The following TMEM135 variants were observed in gnomAD, a reference collection of about 807,000 sequenced individuals.
The protein encoded by TMEM135 is peroxisomal membrane protein 52.
A neutral mutation model predicts 60.3 loss-of-function variants in TMEM135; 30 were observed. The ratio of observed to expected loss-of-function variants is 0.50; its 90% CI spans 0.37 to 0.68. The LOEUF (loss-of-function observed/expected upper bound fraction) is 0.68, where lower values mean the gene tolerates loss of function less well. Among genes scored for constraint, TMEM135 ranks in the 30% least tolerant of loss-of-function variants. The probability of loss-of-function intolerance (pLI) is 0.00; values close to 1 mark genes in which losing one functional copy is unlikely to be tolerated. For synonymous variants in TMEM135, 190 were observed against 186.7 expected (o/e 1.02, Z -0.14); for missense variants, 468 against 548.8 (o/e 0.85, Z 1.47).
intron 1 of TMEM135, among the ~76,000 whole-genome samples, chr11:87,059,408 G>A (rs542010974): frequency 2.6e-4 from 39 of 149,908 alleles, no homozygotes; most frequent in Non-Finnish European, 4.3e-4. Flanking sequence ...AGATTCAAGC[G>A]ATTCTCCTGT....
At chr11:87,066,866 C>T (rs533951367) in intron 1 of TMEM135, among the ~76,000 whole-genome samples, 4 of 150,344 alleles carry the variant, frequency 2.7e-5, no homozygotes, top group South Asian at 4.2e-4. Flanking sequence ...CTGCAACCTC[C>T]GCCTCCCGGG....
chr11:87,077,395 C>T (rs912767102), intron 3 of TMEM135, among the ~76,000 whole-genome samples: 8 of 152,180 alleles, frequency 5.3e-5, no homozygotes, highest in Admixed American at 2.6e-4. Context: ...ATTCACTTGT[C>T]GAAGGACATT....
chr11:87,258,192 GCC>G (rs1330454995), intron 6 of TMEM135, among the ~76,000 whole-genome samples: 21 of 90,212 alleles, frequency 2.3e-4, no homozygotes, highest in African/African-American at 7.6e-4. Flanking sequence ...TTGGGGAAAA[GCC>G]TTTTTTTTTT....
intron 6 of TMEM135, among the ~76,000 whole-genome samples, chr11:87,266,243 T>A (rs1026755144): frequency 2.0e-5 from 3 of 152,088 alleles, no homozygotes; most frequent in African/African-American, 7.2e-5. Flanking sequence ...CACCCCTAAG[T>A]CCCTCACCCT....
intron 4 of TMEM135, among the ~76,000 whole-genome samples, chr11:87,118,059 G>A (rs1226318465): frequency 6.8e-6 from 1 of 147,774 alleles, no homozygotes; most frequent in Non-Finnish European, 1.5e-5. Flanking sequence ...TGTTGTCAAT[G>A]AGTAGTAATA....
Position 87,302,516 on chromosome 11 carries a change from T to G in TMEM135, c.698+74T>G, listed in dbSNP as rs761525630. ...TGATATTTGTACCATGCCAAGGTTA[T>G]TTTTGTTTTCTATTCAGGTAATGAT... is the stretch of plus-strand genomic sequence containing the variant. On this transcript the variant is annotated intron_variant, in intron 8 of 14. Coordinates refer to ENST00000305494, the MANE Select transcript of TMEM135 (RefSeq NM_022918.4). 4.0e-5 allele frequency: 63 copies of G among 1,594,172 alleles called. 1 individual carries two copies. The highest frequency in any genetic ancestry group is 2.8e-4 in the Admixed American group (17 of 59,886).
At chr11:87,107,134 A>C (rs1488363121) in intron 4 of TMEM135, among the ~76,000 whole-genome samples, 1 of 152,220 alleles carries the variant, frequency 6.6e-6, no homozygotes, top group Non-Finnish European at 1.5e-5. Context: ...ATTGGGGACA[A>C]ATATACAGAC....
At chr11:87,180,037 G>T (rs74711312) in intron 5 of TMEM135, among the ~76,000 whole-genome samples, 1,825 of 152,260 alleles carry the variant, frequency 0.012, 37 homozygotes, top group African/African-American at 0.041. Context: ...AACAGATGCA[G>T]ACAGAAGAAT....
At chr11:87,111,748 T>G (rs1276302725) in intron 4 of TMEM135, among the ~76,000 whole-genome samples, 5 of 152,168 alleles carry the variant, frequency 3.3e-5, no homozygotes, top group African/African-American at 1.2e-4. Flanking sequence ...ATATAGCTTG[T>G]GTTTGTTTAT....
intron 7 of TMEM135, among the ~76,000 whole-genome samples, chr11:87,296,801 G>C (rs929258661): frequency 1.3e-5 from 2 of 152,290 alleles, no homozygotes; most frequent in East Asian, 3.9e-4. Flanking sequence ...CAGGGAAGAG[G>C]AAGTGCACTC....
At chr11:87,247,116 A>C (rs1470993255) in intron 6 of TMEM135, among the ~76,000 whole-genome samples, 1 of 150,606 alleles carries the variant, frequency 6.6e-6, no homozygotes, top group Non-Finnish European at 1.5e-5. Flanking sequence ...CTAGAGGTCC[A>C]CTCCAGACCC....
intron 6 of TMEM135, among the ~76,000 whole-genome samples, chr11:87,251,380 A>G (rs1941412741): frequency 6.6e-6 from 1 of 152,162 alleles, no homozygotes; most frequent in Non-Finnish European, 1.5e-5. Flanking sequence ...GGCATTATAA[A>G]TACCTTGTTA....
intron 7 of TMEM135, among the ~76,000 whole-genome samples, chr11:87,297,888 A>G (rs1942373108): frequency 6.6e-6 from 1 of 152,210 alleles, no homozygotes; most frequent in East Asian, 1.9e-4. Context: ...AAATGTGGCT[A>G]TTTCTTGCAT....
intron 10 of TMEM135, among the ~76,000 whole-genome samples, 168 bp downstream of exon 10, chr11:87,309,840 A>C (rs1402163353): frequency 6.6e-6 from 1 of 152,112 alleles, no homozygotes; most frequent in Non-Finnish European, 1.5e-5. Context: ...AGGGTACAGA[A>C]ATTTCTTCTT....
At chr11:87,225,780 AGTCTTGC>A (rs2135361299) in intron 5 of TMEM135, among the ~76,000 whole-genome samples, 1 of 152,236 alleles carries the variant, frequency 6.6e-6, no homozygotes, top group East Asian at 1.9e-4. Flanking sequence ...CCTGGCTTTG[AGTCTTGC>A]TTCAGCTACT....
chr11:87,180,889 C>T lies in TMEM135; in HGVS notation c.462+23483C>T, dbSNP rs551112680. 3.3e-5 allele frequency among the ~76,000 whole-genome samples: 5 copies of T among 152,320 alleles called. No homozygotes were observed. The East Asian group carries it at 7.7e-4, about 24-fold the overall frequency. The stretch of plus-strand genomic sequence containing the variant: ...AAAATGCAATATTCAAAGTCTCCCT[C>T]CCCTTTCTGGGATACACTCCAACAT... On this transcript the variant is annotated intron_variant, in intron 5 of 14. Coordinates refer to ENST00000305494, the MANE Select transcript of TMEM135 (RefSeq NM_022918.4).
At chr11:87,227,104 C>G (rs1031617497) in intron 5 of TMEM135, among the ~76,000 whole-genome samples, 7 of 151,936 alleles carry the variant, frequency 4.6e-5, no homozygotes, top group Non-Finnish European at 1.0e-4. Context: ...AAGTAAGAGT[C>G]TAGGCCTAAG....
intron 4 of TMEM135, among the ~76,000 whole-genome samples, chr11:87,105,126 G>C (rs1291390439): frequency 6.6e-6 from 1 of 152,092 alleles, no homozygotes; most frequent in East Asian, 1.9e-4. Context: ...TATTGTGAAA[G>C]GATGTTGAAT....
intron 4 of TMEM135, among the ~76,000 whole-genome samples, chr11:87,098,102 A>G (rs1332333570): frequency 1.3e-5 from 2 of 151,828 alleles, no homozygotes; most frequent in Admixed American, 6.6e-5. Flanking sequence ...TGAATCATAG[A>G]TGAATGTGTT....
Sources: gnomAD v4.1 joint callset for allele counts (sites outside exome capture counted in the v4.1 genomes callset) on GRCh38, gnomAD v4.1.1 for gene constraint, MANE v1.5 for transcripts, NCBI Gene and HGNC (gene_info 2026-07-23, HGNC 2026-07-21) for gene names.